MB21D2: variants seen among roughly 807,000 people sequenced by gnomAD.
The protein encoded by MB21D2 is nucleotidyltransferase MB21D2.
MB21D2 carries 9 observed loss-of-function variants against 33.3 expected under a neutral mutation model. The observed-to-expected ratio is 0.27, with a 90% confidence interval of 0.16 to 0.47. MB21D2 has a LOEUF of 0.47. Ranked by LOEUF, MB21D2 falls within the 20% of genes least tolerant of loss-of-function variation. The pLI, the probability that MB21D2 is intolerant of heterozygous loss-of-function variation, is 0.99. For synonymous variants in MB21D2, 241 were observed against 236.3 expected (o/e 1.02, Z -0.18); for missense variants, 540 against 624.6 (o/e 0.86, Z 1.44).
At chr3:192,863,379 G>A (rs907090868) in intron 1 of MB21D2, among the ~76,000 whole-genome samples, 1 of 152,142 alleles carries the variant, frequency 6.6e-6, no homozygotes, top group Non-Finnish European at 1.5e-5. Flanking sequence ...CACCCAACTC[G>A]GTGACATTCT....
intron 1 of MB21D2, among the ~76,000 whole-genome samples, chr3:192,884,569 G>A (rs367809443): frequency 8.9e-4 from 136 of 151,978 alleles, no homozygotes; most frequent in Middle Eastern, 3.4e-3. Flanking sequence ...GGGTTTCACC[G>A]TGTTAGCCAG....
At chr3:192,811,036 C>A (rs1711778321) in intron 1 of MB21D2, among the ~76,000 whole-genome samples, 1 of 152,176 alleles carries the variant, frequency 6.6e-6, no homozygotes, top group Admixed American at 6.5e-5. Context: ...GACTCTGCCC[C>A]TCTGCCTAAG....
intron 1 of MB21D2, among the ~76,000 whole-genome samples, chr3:192,893,773 G>A (rs115782031): frequency 0.013 from 1,921 of 152,254 alleles, 36 homozygotes; most frequent in African/African-American, 0.044. Flanking sequence ...GGTGGCTCAT[G>A]TCTGTAATCT....
chr3:192,832,365 T>C (rs181930621), intron 1 of MB21D2, among the ~76,000 whole-genome samples: 183 of 152,204 alleles, frequency 1.2e-3, no homozygotes, highest in Admixed American at 3.2e-3. Context: ...GTGAAAGATT[T>C]TACTGAAGGC....
intron 1 of MB21D2, among the ~76,000 whole-genome samples, chr3:192,862,638 CAG>C (rs1414444709): frequency 2.6e-5 from 4 of 152,116 alleles, no homozygotes; most frequent in Non-Finnish European, 5.9e-5. Flanking sequence ...CTGTGAGTAA[CAG>C]AGTCTTTGTA....
At chr3:192,834,845 T>C (rs1450173446) in intron 1 of MB21D2, among the ~76,000 whole-genome samples, 1 of 144,492 alleles carries the variant, frequency 6.9e-6, no homozygotes, top group Non-Finnish European at 1.5e-5. Context: ...AGAGTCTTGC[T>C]CTGACGCAGG....
At chr3:192,900,867 G>A (rs1202994754) in intron 1 of MB21D2, among the ~76,000 whole-genome samples, 7 of 152,034 alleles carry the variant, frequency 4.6e-5, no homozygotes, top group Admixed American at 4.6e-4. Flanking sequence ...CTTGAACCCC[G>A]GAGGCAGAGG....
intron 1 of MB21D2, among the ~76,000 whole-genome samples, chr3:192,802,971 G>A (rs772686737): frequency 1.3e-5 from 2 of 152,192 alleles, no homozygotes; most frequent in Non-Finnish European, 2.9e-5. Flanking sequence ...ATATGCTTTT[G>A]TCCTGGACAG....
At chr3:192,813,447 C>G (rs185680141) in intron 1 of MB21D2, among the ~76,000 whole-genome samples, 3 of 152,060 alleles carry the variant, frequency 2.0e-5, no homozygotes, top group African/African-American at 7.2e-5. Flanking sequence ...TGAATAAATA[C>G]ATTGAAGACT....
chr3:192,866,386 C>A (rs558290898), intron 1 of MB21D2, among the ~76,000 whole-genome samples: 1 of 152,178 alleles, frequency 6.6e-6, no homozygotes, highest in Admixed American at 6.5e-5. Flanking sequence ...AATTAGATTG[C>A]GTCTTCTGGT....
chr3:192,872,565 G>A (rs1478854366), intron 1 of MB21D2, among the ~76,000 whole-genome samples: 1 of 126,218 alleles, frequency 7.9e-6, no homozygotes, highest in Non-Finnish European at 1.6e-5. Context: ...CACAGAGCGA[G>A]ACTCCGTCTC....
intron 1 of MB21D2, among the ~76,000 whole-genome samples, chr3:192,800,357 G>C (rs80299852): frequency 0.029 from 4,461 of 152,190 alleles, 169 homozygotes; most frequent in East Asian, 0.14. Context: ...TGGGATTACA[G>C]GCATGAGCTA....
intron 1 of MB21D2, among the ~76,000 whole-genome samples, chr3:192,882,010 G>A (rs1713606986): frequency 6.6e-6 from 1 of 152,106 alleles, no homozygotes; most frequent in African/African-American, 2.4e-5. Context: ...ACTCTTGCCT[G>A]GCTACTTCCT....
chr3:192,850,455 A>G (rs1244765821), intron 1 of MB21D2, among the ~76,000 whole-genome samples: 1 of 152,066 alleles, frequency 6.6e-6, no homozygotes, highest in Non-Finnish European at 1.5e-5. Context: ...CCCACCCACC[A>G]TATCTCTCCT....
intron 1 of MB21D2, among the ~76,000 whole-genome samples, chr3:192,830,470 A>G (rs1245056520): frequency 6.6e-6 from 1 of 152,088 alleles, no homozygotes; most frequent in African/African-American, 2.4e-5. Flanking sequence ...GAACACACTC[A>G]CAGCTGCAGT....
intron 1 of MB21D2, among the ~76,000 whole-genome samples, chr3:192,909,962 AAGAAAG>A (rs1560258477): frequency 5.3e-5 from 7 of 131,598 alleles, no homozygotes; most frequent in Non-Finnish European, 1.2e-4. Flanking sequence ...AAAAAAAAAA[AAGAAAG>A]AGAGAGAGAG....
At chr3:192,862,548 T>A (rs974048193) in intron 1 of MB21D2, among the ~76,000 whole-genome samples, 2 of 152,150 alleles carry the variant, frequency 1.3e-5, no homozygotes, top group Admixed American at 1.3e-4. Context: ...GATTCCATGA[T>A]AAGAACAATG....
chr3:192,852,545 C>T (rs1712829697), intron 1 of MB21D2, among the ~76,000 whole-genome samples: 1 of 152,044 alleles, frequency 6.6e-6, no homozygotes, highest in Non-Finnish European at 1.5e-5. Context: ...AAGCAATTGC[C>T]TCAAACAAGG....
chr3:192,853,028 G>GTCTCTCTCTCTCTC (rs10541418), intron 1 of MB21D2, among the ~76,000 whole-genome samples: 1 of 148,362 alleles, frequency 6.7e-6, no homozygotes, highest in Non-Finnish European at 1.5e-5. Context: ...ATCTCTCTCT[G>GTCTCTCTCTCTCTC]TCTCTCTCTC....
Sources: allele counts gnomAD v4.1 joint callset (sites outside exome capture counted in the v4.1 genomes callset), GRCh38; gene constraint gnomAD v4.1.1; transcripts MANE v1.5; gene names NCBI Gene and HGNC (gene_info 2026-07-23, HGNC 2026-07-21).